Variants in MYOM1 observed in about 807,000 individuals in gnomAD.
MYOM1 encodes the protein myomesin 1.
A neutral mutation model predicts 205.3 loss-of-function variants in MYOM1; 164 were observed. The observed-to-expected ratio is 0.80, with a 90% CI of 0.70 to 0.91. The LOEUF (loss-of-function observed/expected upper bound fraction) is 0.91, where lower values mean the gene tolerates loss of function less well. Ranked by LOEUF, MYOM1 falls within the 40% of genes least tolerant of loss-of-function variation. The pLI is 0.00. For missense variants in MYOM1, 2,011 were observed against 2,127.3 expected, an observed-to-expected ratio of 0.95 and a Z score of 1.08; for synonymous variants, 772 against 789.4, an observed-to-expected ratio of 0.98 and a Z score of 0.37.
chr18:3,096,803 C>T (rs997794845), intron 25 of MYOM1, among the ~76,000 whole-genome samples: 1 of 152,098 alleles, frequency 6.6e-6, no homozygotes, highest in African/African-American at 2.4e-5. Context: ...ACCCTCCACC[C>T]ACCCCCTCAA....
intron 2 of MYOM1, among the ~76,000 whole-genome samples, chr18:3,196,687 T>C (rs889860349): frequency 6.6e-6 from 1 of 152,220 alleles, no homozygotes; most frequent in Non-Finnish European, 1.5e-5. Context: ...TGCTAGTCCT[T>C]GTTAATATGT....
In MYOM1 at chr18:3,189,047, T is replaced by C. The variant is rs1468929410; in HGVS notation, c.472A>G (p.Arg158Gly). The C allele has an allele frequency of 1.2e-6, 2 of 1,613,524 alleles. No individual in the cohort carries two copies. Among genetic ancestry groups the C allele is most frequent in the Non-Finnish European group, 1.7e-6 (2 of 1,179,712 alleles). Reference protein sequence around the residue: ...VSGITDTEEERIKEAAAYIAQ... With the variant: ...VSGITDTEEEGIKEAAAYIAQ... ...ATATAAGCAGCAGCTTCTTTAATTC[T>C]TTCTTCTTCCGTATCAGTAATTCCA... Residue 158 changes from arginine to glycine, a missense_variant, in exon 4 of 38, where the codon AGA becomes GGA. By Grantham distance (125) the Arg-to-Gly change is moderately radical. Coordinates refer to ENST00000356443, the MANE Select transcript of MYOM1 (RefSeq NM_003803.4). The surrounding 1 kb of genome is among the most constrained non-coding windows in gnomAD (Gnocchi z 4.8).
At chr18:3,148,354 A>G (rs1018864486) in intron 13 of MYOM1, among the ~76,000 whole-genome samples, 2 of 152,242 alleles carry the variant, frequency 1.3e-5, no homozygotes, top group South Asian at 4.1e-4. Flanking sequence ...ACCAACGTAG[A>G]TAAGTCTCAA....
Position 3,167,588 on chromosome 18 carries a change from T to A in MYOM1, c.1339+1229A>T, listed in dbSNP as rs182688183. 3.0e-3 allele frequency among the ~76,000 whole-genome samples: 451 copies of A among 152,322 alleles called. 2 individuals carry two copies. The highest frequency in any genetic ancestry group is 0.01 in the African/African-American group (422 of 41,560). Reference sequence around the variant, plus strand: ...TTGGTAGAGACAGGGTTTCACCATGTTGGCCAGGCTGGTCTCAAACTCCTG... The same window carrying A: ...TTGGTAGAGACAGGGTTTCACCATGATGGCCAGGCTGGTCTCAAACTCCTG... On this transcript the variant is annotated intron_variant, in intron 9 of 37. Coordinates refer to ENST00000356443, the MANE Select transcript of MYOM1 (RefSeq NM_003803.4).
chr18:3,143,528 G>A (rs868224207), intron 13 of MYOM1, among the ~76,000 whole-genome samples: 6 of 152,038 alleles, frequency 3.9e-5, no homozygotes, highest in Non-Finnish European at 5.9e-5. Flanking sequence ...TAATAATATC[G>A]TATTGTGTAG....
At chr18:3,148,844 CAAAAAAAAAAAAAAAAA>C (rs71159049) in intron 13 of MYOM1, among the ~76,000 whole-genome samples, 2 of 47,932 alleles carry the variant, frequency 4.2e-5, no homozygotes, top group South Asian at 1.2e-3. Flanking sequence ...AGACTCCATC[CAAAAAAAAAAAAAAAAA>C]AAAAAAAAAA....
chr18:3,239,756 C>CAAAAAAAAA, the MYOM1 span, among the ~76,000 whole-genome samples: 2 of 42,176 alleles, frequency 4.7e-5, no homozygotes, highest in Non-Finnish European at 8.9e-5. Context: ...CACCTTGTCT[C>CAAAAAAAAA]AAAAAAAAAA....
chr18:3,133,331 CTATT>C (rs1295861768), intron 16 of MYOM1, among the ~76,000 whole-genome samples: 1 of 152,152 alleles, frequency 6.6e-6, no homozygotes, highest in East Asian at 1.9e-4. Context: ...CCGAACGAGT[CTATT>C]TGACAATTTC....
intron 10 of MYOM1, 51 bp from the exon 11 acceptor site, chr18:3,155,139 C>T (rs771176985): frequency 1.9e-5 from 30 of 1,543,358 alleles, no homozygotes; most frequent in South Asian, 7.5e-5. Context: ...TGCTGTCAGT[C>T]GGCAGGCAGG....
chr18:3,069,850 C>T (rs576427373), intron 37 of MYOM1, among the ~76,000 whole-genome samples: 1 of 152,244 alleles, frequency 6.6e-6, no homozygotes, highest in East Asian at 1.9e-4. Context: ...CTCAGTACGA[C>T]CTAGAGAGTT....
chr18:3,156,104 G>A (rs932810424), intron 10 of MYOM1, among the ~76,000 whole-genome samples: 3 of 152,134 alleles, frequency 2.0e-5, no homozygotes, highest in African/African-American at 4.8e-5. Flanking sequence ...GAGAGAAGGG[G>A]GAATGAAAAT....
intron 2 of MYOM1, among the ~76,000 whole-genome samples, chr18:3,199,727 C>T (rs2081041851): frequency 6.6e-6 from 1 of 152,152 alleles, no homozygotes; most frequent in African/African-American, 2.4e-5. Flanking sequence ...ATAGTCCCAG[C>T]TACTCTAGAG....
chr18:3,102,909 G>C (rs1487952801), intron 22 of MYOM1, among the ~76,000 whole-genome samples: 1 of 152,206 alleles, frequency 6.6e-6, no homozygotes, highest in East Asian at 1.9e-4. Flanking sequence ...GGAGTGGATT[G>C]ATTGCAATGA....
rs965801590 is a variant in MYOM1 at position 3,209,676 on chromosome 18, G to A, written c.290+5258C>T. 8.5e-5 allele frequency among the ~76,000 whole-genome samples: 13 copies of A among 152,078 alleles called. No individual in the cohort carries two copies. The highest frequency in any genetic ancestry group is 2.9e-4 in the African/African-American group (12 of 41,398). ...CTGGCAGTGGCTGTCCCTGATGCCT[G>A]GTGCACCTTTACCCAGATAACCTCA... On this transcript the variant is annotated intron_variant, in intron 2 of 37. Coordinates refer to ENST00000356443, the MANE Select transcript of MYOM1 (RefSeq NM_003803.4). The surrounding 1 kb of genome is among the most constrained non-coding windows in gnomAD (Gnocchi z 4.0).
chr18:3,160,102 CCTTCTT>C (rs148197003), intron 10 of MYOM1, among the ~76,000 whole-genome samples: 1 of 146,490 alleles, frequency 6.8e-6, no homozygotes, highest in Admixed American at 6.8e-5. Context: ...TTCTCCTCCT[CCTTCTT>C]CTTCTTCTCT....
chr18:3,132,277 A>G (rs1277037247), intron 16 of MYOM1, among the ~76,000 whole-genome samples: 1 of 151,704 alleles, frequency 6.6e-6, no homozygotes, highest in Non-Finnish European at 1.5e-5. Flanking sequence ...CAGCCTCCTG[A>G]GTAGCTGGGA....
the MYOM1 span, among the ~76,000 whole-genome samples, chr18:3,233,756 T>C: frequency 3.9e-5 from 6 of 152,218 alleles, no homozygotes; most frequent in Admixed American, 3.9e-4. Flanking sequence ...AAGTCCATAA[T>C]ACATCTACAG....
intron 20 of MYOM1, among the ~76,000 whole-genome samples, 185 bp downstream of exon 20, chr18:3,119,684 T>C (rs1276448952): frequency 6.6e-6 from 1 of 152,228 alleles, no homozygotes; most frequent in Non-Finnish European, 1.5e-5. Context: ...GAATTTATAC[T>C]CAGTTTTACA....
At chr18:3,137,672 GGGT>G (rs1221469157) in intron 14 of MYOM1, among the ~76,000 whole-genome samples, 2 of 152,132 alleles carry the variant, frequency 1.3e-5, no homozygotes, top group Non-Finnish European at 2.9e-5. Context: ...GAAGGGTTGG[GGGT>G]GGTGGTGAAG....
Sources: gnomAD v4.1 joint callset for allele counts (sites outside exome capture counted in the v4.1 genomes callset) on GRCh38, gnomAD v4.1.1 for gene constraint, Gnocchi (gnomAD v3.1) non-coding constraint, MANE v1.5 for transcripts, NCBI Gene and HGNC (gene_info 2026-07-23, HGNC 2026-07-21) for gene names.